Variants in CHP1 observed in about 807,000 individuals in gnomAD.
CHP1 encodes calcineurin B homologous protein 1.
In CHP1, 11 loss-of-function variants were observed where a neutral mutation model predicts 27.4. That is an observed-to-expected ratio of 0.40 (90% CI 0.25 to 0.67). CHP1 has a LOEUF of 0.67. CHP1 is among the 30% of genes least tolerant of loss of function. The pLI is 0.38. For synonymous variants in CHP1, 89 were observed against 87.4 expected (o/e 1.02, Z -0.10); for missense variants, 169 against 251.3 (o/e 0.67, Z 2.22).
At chr15:41,239,754 G>T (rs763003826) in intron 1 of CHP1, among the ~76,000 whole-genome samples, 29 of 151,698 alleles carry the variant, frequency 1.9e-4, no homozygotes, top group Middle Eastern at 3.5e-3. Context: ...AGGTTTCAGT[G>T]CCCAGTTATT....
chr15:41,271,487 C>G (rs370761895), intron 5 of CHP1, among the ~76,000 whole-genome samples: 5 of 152,096 alleles, frequency 3.3e-5, no homozygotes, highest in African/African-American at 7.2e-5. Context: ...TAGGTACTGT[C>G]TGAGATTTAC....
intron 2 of CHP1, among the ~76,000 whole-genome samples, chr15:41,245,958 A>T (rs1009268814): frequency 1.3e-4 from 19 of 151,874 alleles, no homozygotes; most frequent in Admixed American, 8.5e-4. Context: ...AGGTCTTTTG[A>T]TTTATTTTGA....
intron 1 of CHP1, among the ~76,000 whole-genome samples, chr15:41,241,706 C>G (rs1212100571): frequency 6.6e-6 from 1 of 152,214 alleles, no homozygotes; most frequent in Non-Finnish European, 1.5e-5. Flanking sequence ...AGGGTGAAAC[C>G]TGATGCTGAA....
At chr15:41,271,979 G>A (rs375943657) in intron 5 of CHP1, among the ~76,000 whole-genome samples, 2 of 152,090 alleles carry the variant, frequency 1.3e-5, no homozygotes, top group Non-Finnish European at 2.9e-5. Flanking sequence ...CACCCGCCTC[G>A]GCCTCTCAAA....
intron 2 of CHP1, among the ~76,000 whole-genome samples, chr15:41,251,976 A>C (rs1459976093): frequency 6.6e-6 from 1 of 151,950 alleles, no homozygotes; most frequent in Non-Finnish European, 1.5e-5. Context: ...TCCTGACCTC[A>C]GGCGATCTGC....
At chr15:41,261,200 G>T (rs1420206078) in intron 3 of CHP1, among the ~76,000 whole-genome samples, 1 of 150,488 alleles carries the variant, frequency 6.6e-6, no homozygotes, top group African/African-American at 2.5e-5. Context: ...TGTCACCCAG[G>T]CTGGAGTGCA....
At chr15:41,250,188 A>G (rs1235944449) in intron 2 of CHP1, among the ~76,000 whole-genome samples, 2 of 152,034 alleles carry the variant, frequency 1.3e-5, no homozygotes, top group Non-Finnish European at 2.9e-5. Flanking sequence ...ATTTCACCAC[A>G]TCTTTAATTT....
intron 2 of CHP1, among the ~76,000 whole-genome samples, chr15:41,248,603 A>G (rs929856197): frequency 1.3e-5 from 2 of 151,956 alleles, no homozygotes; most frequent in African/African-American, 4.8e-5. Flanking sequence ...TTTGATCTCT[A>G]TCATGGTGTG....
At chr15:41,241,685 G>C (rs1025915535) in intron 1 of CHP1, among the ~76,000 whole-genome samples, 4 of 152,202 alleles carry the variant, frequency 2.6e-5, no homozygotes, top group Non-Finnish European at 5.9e-5. Flanking sequence ...ACAGAACAGA[G>C]CCCAGCTTCG....
intron 4 of CHP1, among the ~76,000 whole-genome samples, chr15:41,269,745 T>A (rs2047479648): frequency 6.6e-6 from 1 of 152,122 alleles, no homozygotes; most frequent in Non-Finnish European, 1.5e-5. Context: ...GCACTCTATT[T>A]AAGACCCTTA....
At chr15:41,245,197 A>T (rs1023380678) in intron 2 of CHP1, among the ~76,000 whole-genome samples, 7 of 152,232 alleles carry the variant, frequency 4.6e-5, no homozygotes, top group Admixed American at 1.3e-4. Flanking sequence ...ACGGTGGCTC[A>T]TGCCTGTAAT....
At chr15:41,257,196 A>G (rs965332114) in intron 3 of CHP1, among the ~76,000 whole-genome samples, 2 of 152,228 alleles carry the variant, frequency 1.3e-5, no homozygotes, top group African/African-American at 2.4e-5. Flanking sequence ...ATATGAGCCT[A>G]TCTTCAAAAT....
chr15:41,272,576 A>G (rs963362139), intron 5 of CHP1, among the ~76,000 whole-genome samples: 10 of 151,622 alleles, frequency 6.6e-5, no homozygotes, highest in African/African-American at 2.4e-4. Context: ...ATGCACCACC[A>G]TACCCAGCTA....
chr15:41,244,218 G>T (rs867368833), intron 2 of CHP1, among the ~76,000 whole-genome samples: 1 of 150,248 alleles, frequency 6.7e-6, no homozygotes, highest in African/African-American at 2.5e-5. Flanking sequence ...AAAAAACAGC[G>T]GAACTATGAC....
At chr15:41,251,245 A>G (rs1163951901) in intron 2 of CHP1, among the ~76,000 whole-genome samples, 1 of 152,200 alleles carries the variant, frequency 6.6e-6, no homozygotes, top group Non-Finnish European at 1.5e-5. Flanking sequence ...CAGCCTCCAG[A>G]TGAAGAAACT....
chr15:41,244,892 C>T (rs1474466645), intron 2 of CHP1, among the ~76,000 whole-genome samples: 4 of 152,110 alleles, frequency 2.6e-5, no homozygotes, highest in African/African-American at 9.7e-5. Flanking sequence ...AGCTGTTGCC[C>T]TTCCTTTTGG....
chr15:41,242,916 C>G (rs2047314180), intron 1 of CHP1, among the ~76,000 whole-genome samples: 1 of 151,850 alleles, frequency 6.6e-6, no homozygotes, highest in Admixed American at 6.6e-5. Flanking sequence ...GCACTCCAGC[C>G]TGGGCAACGA....
Position 41,281,368 on chromosome 15 carries a change from A to C in CHP1, c.*1979A>C, listed in dbSNP as rs575317765. The stretch of plus-strand genomic sequence containing the variant: ...CCTAAGGTGGCATTACAGATCTTTG[A>C]GCGAGCCACAGCAACTTTTCTGCCA... On this transcript the variant is annotated 3_prime_UTR_variant, in exon 7 of 7. Coordinates refer to ENST00000334660, the MANE Select transcript of CHP1 (RefSeq NM_007236.5). 3.9e-5 allele frequency: 6 copies of C among 152,764 alleles called. No individual in the cohort carries two copies. In the South Asian group the frequency reaches 1.2e-3, roughly 32 times the overall value. The allele number at this position is 152,764 out of a possible 1,614,324, so 9.5% of individuals were successfully genotyped here.
At chr15:41,238,525 G>A (rs980135423) in intron 1 of CHP1, among the ~76,000 whole-genome samples, 1 of 151,906 alleles carries the variant, frequency 6.6e-6, no homozygotes, top group African/African-American at 2.4e-5. Flanking sequence ...TACCAGTGGA[G>A]AAAAAATACA....
Sources: gnomAD v4.1 joint callset for allele counts (sites outside exome capture counted in the v4.1 genomes callset) on GRCh38, gnomAD v4.1.1 for gene constraint, MANE v1.5 for transcripts, NCBI Gene and HGNC (gene_info 2026-07-23, HGNC 2026-07-21) for gene names.